The following XYLT1 variants were observed in gnomAD, a reference collection of about 807,000 sequenced individuals.
The protein encoded by XYLT1 is xylosyltransferase 1.
Under a neutral mutation model 91.3 loss-of-function variants are expected in XYLT1, and 36 were observed. The observed-to-expected ratio is 0.39, with a 90% confidence interval of 0.30 to 0.52. The LOEUF (loss-of-function observed/expected upper bound fraction) is 0.52. Ranked by LOEUF, XYLT1 falls within the 20% of genes least tolerant of loss-of-function variation. The pLI is 0.68. For missense variants in XYLT1, 1,242 were observed against 1,284.5 expected (o/e 0.97, Z 0.51); for synonymous variants, 588 against 532.0 (o/e 1.11, Z -1.45).
intron 1 of XYLT1, among the ~76,000 whole-genome samples, chr16:17,439,697 GA>G (rs1470422065): frequency 6.6e-6 from 1 of 152,182 alleles, no homozygotes; most frequent in Non-Finnish European, 1.5e-5. Context: ...GTTAAAAAGG[GA>G]AACTGACAAG....
intron 2 of XYLT1, among the ~76,000 whole-genome samples, chr16:17,284,229 A>G (rs2034099882): frequency 6.6e-6 from 1 of 152,266 alleles, no homozygotes; most frequent in Non-Finnish European, 1.5e-5. Flanking sequence ...ACCGGTACTT[A>G]GCAAACACTT....
intron 8 of XYLT1, among the ~76,000 whole-genome samples, chr16:17,136,434 A>G (rs1473777281): frequency 3.3e-5 from 5 of 152,166 alleles, no homozygotes; most frequent in Non-Finnish European, 7.3e-5. Context: ...ACAGCTTAGC[A>G]CTGTAGAGAG....
chr16:17,368,733 T>TA (rs1218991816), intron 1 of XYLT1, among the ~76,000 whole-genome samples: 2 of 151,966 alleles, frequency 1.3e-5, no homozygotes, highest in Non-Finnish European at 2.9e-5. Context: ...TACAGGCCTG[T>TA]GCCACCACGC....
chr16:17,303,426 T>G (rs2034426862), intron 2 of XYLT1, among the ~76,000 whole-genome samples: 2 of 152,264 alleles, frequency 1.3e-5, no homozygotes, highest in Non-Finnish European at 2.9e-5. Flanking sequence ...TACAGACAGT[T>G]TGCACACTTC....
chr16:17,253,863 C>G (rs868801774), intron 3 of XYLT1, among the ~76,000 whole-genome samples: 2 of 128,854 alleles, frequency 1.6e-5, no homozygotes, highest in South Asian at 2.5e-4. Context: ...AGAGAGAGAG[C>G]GAGCCTGCAG....
rs149229788 is a variant in XYLT1, at chr16:17,262,171, G to A, written c.403-2673C>T. Among the ~76,000 whole-genome samples the A allele has an allele frequency of 7.8e-4, 118 of 152,230 alleles. 1 individual carries two copies. The highest frequency in any genetic ancestry group is 4.3e-3 in the Admixed American group (65 of 15,290). ...TATTTATCTTGCCATTTTATAGAAC[G>A]AGGAGCCAACGCTTGTTGTGATACA... On this transcript the variant is annotated intron_variant, in intron 2 of 11. Coordinates refer to ENST00000261381, the MANE Select transcript of XYLT1 (RefSeq NM_022166.4).
chr16:17,348,786 G>A (rs1417023936), intron 2 of XYLT1, among the ~76,000 whole-genome samples: 1 of 152,140 alleles, frequency 6.6e-6, no homozygotes, highest in Admixed American at 6.5e-5. Flanking sequence ...ACTAGAACCT[G>A]CAAACCCAGC....
intron 10 of XYLT1, among the ~76,000 whole-genome samples, 165 bp downstream of exon 10, chr16:17,127,501 T>A (rs2030300622): frequency 6.6e-6 from 1 of 152,222 alleles, no homozygotes; most frequent in Admixed American, 6.5e-5. Flanking sequence ...CTGGTGCCAG[T>A]GACTGGGGCC....
intron 1 of XYLT1, among the ~76,000 whole-genome samples, chr16:17,424,491 T>C (rs959769313): frequency 6.6e-6 from 1 of 151,956 alleles, no homozygotes; most frequent in African/African-American, 2.4e-5. Flanking sequence ...AAGTAAAAAG[T>C]GAGTGGATGC....
chr16:17,138,176 C>CTGAAGTTAGAACATCCT (rs2030823335), intron 8 of XYLT1, 179 bp downstream of exon 8: 2 of 685,420 alleles, frequency 2.9e-6, no homozygotes, highest in Admixed American at 5.8e-5. Context: ...TAGAACATCC[C>CTGAAGTTAGAACATCCT]TGAAGTAAGT....
At chr16:17,180,711 G>C (rs1443780426) in intron 5 of XYLT1, among the ~76,000 whole-genome samples, 1 of 152,116 alleles carries the variant, frequency 6.6e-6, no homozygotes. Context: ...CTCCACTTTT[G>C]GATTAACTGG....
rs371636952 is a variant in XYLT1, at chr16:17,454,987, C to T, written c.363+15447G>A. Among the ~76,000 whole-genome samples, 87 of 134,356 alleles carry T rather than the reference C, an allele frequency of 6.5e-4. 1 individual carries two copies. The Middle Eastern group carries it at 0.016, about 25-fold the overall frequency. 88.1% of individuals were successfully genotyped at this position (134,356 alleles called of 152,430 possible). A position where few individuals can be genotyped will look rare whatever the true frequency, so the allele number is the denominator to read the frequency against. On this transcript the variant is annotated intron_variant, in intron 1 of 11. Coordinates refer to ENST00000261381, the MANE Select transcript of XYLT1 (RefSeq NM_022166.4). The stretch of plus-strand genomic sequence containing the variant: ...GGCCATATGAAAACAGGCAAAGGAC[C>T]AGATTTGGCTTGTAAGCTGGGGTTC...
intron 8 of XYLT1, 39 bp from the exon 9 acceptor site, chr16:17,134,774 C>T (rs182063388): frequency 2.5e-4 from 408 of 1,606,442 alleles, no homozygotes; most frequent in South Asian, 5.9e-4. Flanking sequence ...GCCACATCAG[C>T]GAGTGCTGGG....
At chr16:17,433,961 G>T (rs762002433) in intron 1 of XYLT1, among the ~76,000 whole-genome samples, 1 of 151,836 alleles carries the variant, frequency 6.6e-6, no homozygotes, top group Non-Finnish European at 1.5e-5. Flanking sequence ...TCTTAGCTCT[G>T]ATCCTTTCGA....
intron 1 of XYLT1, among the ~76,000 whole-genome samples, chr16:17,426,470 C>T (rs961877650): frequency 1.3e-5 from 2 of 151,992 alleles, no homozygotes; most frequent in Admixed American, 6.5e-5. Context: ...TGCTTGAACC[C>T]GGGAGGCAGA....
chr16:17,254,502 C>T (rs759921209), intron 3 of XYLT1, among the ~76,000 whole-genome samples: 10 of 152,338 alleles, frequency 6.6e-5, no homozygotes, highest in Middle Eastern at 6.8e-3. Context: ...TTAAGCGATT[C>T]TCCTGCCTCA....
chr16:17,400,629 G>GAGGAAGGGAGGAAGGA (rs1555454213), intron 1 of XYLT1, among the ~76,000 whole-genome samples: 1 of 132,628 alleles, frequency 7.5e-6, no homozygotes, highest in Admixed American at 8.1e-5. Context: ...GGGAGGAAGG[G>GAGGAAGGGAGGAAGGA]AGGAAGGAAG....
intron 2 of XYLT1, among the ~76,000 whole-genome samples, chr16:17,268,876 T>TCTATACTA (rs1414872584): frequency 2.8e-4 from 43 of 152,328 alleles, no homozygotes; most frequent in Non-Finnish European, 5.4e-4. Flanking sequence ...TTTCACCATG[T>TCTATACTA]TGGCCAGGCT....
At chr16:17,163,956 T>C (rs2031611814) in intron 5 of XYLT1, among the ~76,000 whole-genome samples, 1 of 137,198 alleles carries the variant, frequency 7.3e-6, no homozygotes, top group South Asian at 2.4e-4. Context: ...GAGAATCGCT[T>C]GAACCCAGGA....
Sources: allele counts gnomAD v4.1 joint callset (sites outside exome capture counted in the v4.1 genomes callset), GRCh38; gene constraint gnomAD v4.1.1; transcripts MANE v1.5; gene names NCBI Gene and HGNC (gene_info 2026-07-23, HGNC 2026-07-21).